Variants in CSMD1 observed in about 807,000 individuals in gnomAD.
CSMD1 encodes CUB and sushi domain-containing protein 1.
CSMD1 carries 213 observed loss-of-function variants against 417.5 expected under a neutral mutation model. The observed-to-expected ratio is 0.51, with a 90% confidence interval of 0.46 to 0.57. CSMD1 has a LOEUF of 0.57. Ranked by LOEUF, CSMD1 falls within the 20% of genes least tolerant of loss-of-function variation. The pLI, the probability that CSMD1 is intolerant of heterozygous loss-of-function variation, is 0.00. For missense variants in CSMD1, 6,923 were observed against 4,529.7 expected, an observed-to-expected ratio of 1.53 and a Z score of -15.17; for synonymous variants, 2,862 against 1,736.8, an observed-to-expected ratio of 1.65 and a Z score of -16.11.
intron 5 of CSMD1, among the ~76,000 whole-genome samples, chr8:3,857,178 T>C (rs917861205): frequency 2.0e-4 from 31 of 152,148 alleles, no homozygotes; most frequent in African/African-American, 6.5e-4. Flanking sequence ...TACATGGGCT[T>C]CATGAAAAAA....
chr8:4,129,591 T>C (rs1802973553), intron 3 of CSMD1, among the ~76,000 whole-genome samples: 1 of 152,126 alleles, frequency 6.6e-6, no homozygotes, highest in Non-Finnish European at 1.5e-5. Context: ...TTTTTATTAT[T>C]ATTATTATTA....
intron 3 of CSMD1, among the ~76,000 whole-genome samples, chr8:4,111,386 T>G (rs912590291): frequency 6.6e-6 from 1 of 152,154 alleles, no homozygotes; most frequent in Admixed American, 6.6e-5. Context: ...AAATAAACAG[T>G]ATTAAAAAAG....
At chr8:4,665,990 G>A (rs999144340) in intron 1 of CSMD1, among the ~76,000 whole-genome samples, 6 of 152,144 alleles carry the variant, frequency 3.9e-5, no homozygotes, top group African/African-American at 1.4e-4. Context: ...AATATTGCAT[G>A]AACTCTGCAT....
intron 6 of CSMD1, among the ~76,000 whole-genome samples, chr8:3,728,512 C>G (rs530329481): frequency 1.3e-5 from 2 of 152,260 alleles, no homozygotes; most frequent in South Asian, 4.2e-4. Context: ...TAAAACTTAG[C>G]ACTTTTCTTT....
intron 5 of CSMD1, among the ~76,000 whole-genome samples, chr8:3,819,570 A>G (rs974008075): frequency 2.7e-5 from 4 of 148,146 alleles, no homozygotes; most frequent in Non-Finnish European, 5.9e-5. Flanking sequence ...ACGTATGTAT[A>G]TAAACGCCAA....
At chr8:3,663,032 A>G (rs560376484) in intron 7 of CSMD1, among the ~76,000 whole-genome samples, 1 of 152,144 alleles carries the variant, frequency 6.6e-6, no homozygotes, top group Non-Finnish European at 1.5e-5. Flanking sequence ...ACTCCATGCC[A>G]TTTGTCTGGC....
intron 2 of CSMD1, among the ~76,000 whole-genome samples, chr8:4,634,542 T>C (rs1042823523): frequency 1.3e-5 from 2 of 152,178 alleles, no homozygotes; most frequent in African/African-American, 4.8e-5. Context: ...CCAAGACAGC[T>C]CTAAGCAATA....
intron 2 of CSMD1, among the ~76,000 whole-genome samples, chr8:4,622,744 C>T (rs542495362): frequency 2.0e-5 from 3 of 152,166 alleles, no homozygotes; most frequent in Non-Finnish European, 4.4e-5. Context: ...TTACCACTTC[C>T]GTGCAACATT....
intron 6 of CSMD1, among the ~76,000 whole-genome samples, chr8:3,731,996 G>A (rs1228374998): frequency 6.6e-6 from 1 of 152,156 alleles, no homozygotes; most frequent in South Asian, 2.1e-4. Flanking sequence ...AAGAACAGCA[G>A]CAACATTGTA....
intron 3 of CSMD1, among the ~76,000 whole-genome samples, chr8:4,068,651 A>C (rs947545832): frequency 6.6e-5 from 10 of 152,228 alleles, no homozygotes; most frequent in Admixed American, 5.9e-4. Flanking sequence ...CTGTGAGTTT[A>C]AGATAAAAAA....
chr8:3,211,581 G>A (rs1797609923), intron 30 of CSMD1, among the ~76,000 whole-genome samples: 1 of 152,192 alleles, frequency 6.6e-6, no homozygotes, highest in South Asian at 2.1e-4. Context: ...GGAGCCTTAT[G>A]CCTGTGGAAT....
intron 6 of CSMD1, among the ~76,000 whole-genome samples, chr8:3,744,623 C>G (rs1157003010): frequency 6.6e-6 from 1 of 152,142 alleles, no homozygotes; most frequent in African/African-American, 2.4e-5. Context: ...GTGCAGTGTA[C>G]ATTGTAATGC....
intron 1 of CSMD1, among the ~76,000 whole-genome samples, chr8:4,756,123 A>G (rs1225999548): frequency 1.3e-5 from 2 of 152,220 alleles, no homozygotes; most frequent in African/African-American, 2.4e-5. Flanking sequence ...AGGAGTATAT[A>G]GTAAGCATAT....
intron 5 of CSMD1, among the ~76,000 whole-genome samples, chr8:3,838,190 C>A (rs191813148): frequency 2.0e-4 from 31 of 152,082 alleles, no homozygotes; most frequent in African/African-American, 7.5e-4. Context: ...ACAGACCCTG[C>A]CTTCCTATGG....
At chr8:3,191,931 A>G (rs571731313) in intron 33 of CSMD1, among the ~76,000 whole-genome samples, 1 of 152,170 alleles carries the variant, frequency 6.6e-6, no homozygotes, top group South Asian at 2.1e-4. Context: ...ATGTTCTCGT[A>G]TATGAATTTT....
At chr8:3,976,882 G>A (rs1205057135) in intron 5 of CSMD1, among the ~76,000 whole-genome samples, 1 of 152,098 alleles carries the variant, frequency 6.6e-6, no homozygotes, top group African/African-American at 2.4e-5. Flanking sequence ...ACTGAGATGT[G>A]TACCTTGAAT....
At chr8:3,127,938 A>AGGAAGGAAGGAAGGAAGGGAGGGAG (rs1563069442) in intron 41 of CSMD1, 2 of 123,218 alleles carry the variant, frequency 1.6e-5, no homozygotes, top group African/African-American at 6.4e-5. Context: ...AAGGAAGGGA[A>AGGAAGGAAGGAAGGAAGGGAGGGAG]GGAAAGAAGG....
chr8:4,081,665 G>T (rs1585273053), intron 3 of CSMD1, among the ~76,000 whole-genome samples: 1 of 152,240 alleles, frequency 6.6e-6, no homozygotes, highest in East Asian at 1.9e-4. Flanking sequence ...GCTACACAAT[G>T]CAACAATTCT....
intron 3 of CSMD1, among the ~76,000 whole-genome samples, chr8:4,108,107 CGGA>C (rs751095731): frequency 5.1e-4 from 76 of 150,368 alleles, no homozygotes; most frequent in African/African-American, 1.4e-3. Context: ...AAGAAAAAGA[CGGA>C]GGAGGAGGAG....
Sources: gnomAD v4.1 joint callset for allele counts (sites outside exome capture counted in the v4.1 genomes callset) on GRCh38, gnomAD v4.1.1 for gene constraint, MANE v1.5 for transcripts, NCBI Gene and HGNC (gene_info 2026-07-23, HGNC 2026-07-21) for gene names.